Variants in CTNND2 observed in about 807,000 individuals in gnomAD.
CTNND2 encodes the protein catenin delta 2, also known as catenin delta-2.
In CTNND2, 22 loss-of-function variants were observed where a neutral mutation model predicts 144.4. The ratio of observed to expected loss-of-function variants is 0.15; its 90% CI spans 0.11 to 0.22. The LOEUF (loss-of-function observed/expected upper bound fraction) is 0.22, where lower values mean the gene tolerates loss of function less well. CTNND2 is among the 10% of genes least tolerant of loss of function. The pLI is 1.00. For synonymous variants in CTNND2, 751 were observed against 695.6 expected (o/e 1.08, Z -1.25); for missense variants, 1,353 against 1,618.8 (o/e 0.84, Z 2.82).
chr5:11,838,015 T>C (rs1242900602), intron 1 of CTNND2, among the ~76,000 whole-genome samples: 4 of 152,194 alleles, frequency 2.6e-5, no homozygotes, highest in East Asian at 1.9e-4. Flanking sequence ...ACCAGGCCCA[T>C]AGAATTGGAT....
At chr5:11,192,502 C>A (rs1736387695) in intron 11 of CTNND2, among the ~76,000 whole-genome samples, 1 of 152,108 alleles carries the variant, frequency 6.6e-6, no homozygotes, top group Non-Finnish European at 1.5e-5. Flanking sequence ...TGGAGAGAAT[C>A]CTGGATCAGC....
At chr5:11,199,321 C>T in intron 11 of CTNND2, 127 bp downstream of exon 11, 1 of 770,822 alleles carries the variant, frequency 1.3e-6, no homozygotes, top group Non-Finnish European at 2.1e-6. Flanking sequence ...CATTTGAAAA[C>T]ACATATTGAG....
At chr5:11,358,739 GT>G (rs560059277) in intron 8 of CTNND2, among the ~76,000 whole-genome samples, 96 of 151,570 alleles carry the variant, frequency 6.3e-4, no homozygotes, top group South Asian at 4.4e-3. Flanking sequence ...AGAGGATTAC[GT>G]TTTTTTTAGA....
intron 2 of CTNND2, among the ~76,000 whole-genome samples, chr5:11,698,963 T>C (rs1339172021): frequency 6.6e-6 from 1 of 150,524 alleles, no homozygotes; most frequent in Non-Finnish European, 1.5e-5. Flanking sequence ...TGCATATTAT[T>C]TTGTGCTATT....
intron 3 of CTNND2, among the ~76,000 whole-genome samples, chr5:11,517,449 C>T (rs1399805414): frequency 1.3e-5 from 2 of 152,082 alleles, no homozygotes; most frequent in Admixed American, 1.3e-4. Context: ...ATTTTTAACA[C>T]CTTTGTTAAA....
intron 10 of CTNND2, among the ~76,000 whole-genome samples, chr5:11,220,995 AAATT>A (rs1739735427): frequency 6.6e-6 from 1 of 152,214 alleles, no homozygotes; most frequent in Non-Finnish European, 1.5e-5. Flanking sequence ...TGCAAGAGGC[AAATT>A]AATTAAGAAG....
intron 3 of CTNND2, among the ~76,000 whole-genome samples, chr5:11,426,648 C>T (rs749819032): frequency 6.6e-6 from 1 of 152,136 alleles, no homozygotes; most frequent in Non-Finnish European, 1.5e-5. Context: ...AAATGTGTTA[C>T]GTTTATGACT....
chr5:11,613,664 C>T (rs1007567555), intron 2 of CTNND2, among the ~76,000 whole-genome samples: 1 of 152,188 alleles, frequency 6.6e-6, no homozygotes, highest in Non-Finnish European at 1.5e-5. Flanking sequence ...ACCAATGTAA[C>T]TAGCCCATGG....
chr5:11,388,280 A>G (rs756245246), intron 6 of CTNND2, among the ~76,000 whole-genome samples: 2 of 152,252 alleles, frequency 1.3e-5, no homozygotes, highest in Non-Finnish European at 2.9e-5. Context: ...TCTCAGGAGC[A>G]CCAGCTACAC....
chr5:11,647,654 A>C (rs746801356), intron 2 of CTNND2, among the ~76,000 whole-genome samples: 9 of 152,036 alleles, frequency 5.9e-5, no homozygotes, highest in Non-Finnish European at 1.2e-4. Context: ...CCTGCACCCC[A>C]CACAATTCTT....
chr5:11,607,687 T>C (rs1226522969), intron 2 of CTNND2, among the ~76,000 whole-genome samples: 1 of 152,242 alleles, frequency 6.6e-6, no homozygotes, highest in Admixed American at 6.5e-5. Flanking sequence ...AAGATATTCC[T>C]TGCATTTATT....
At chr5:11,688,695 A>G (rs931042766) in intron 2 of CTNND2, among the ~76,000 whole-genome samples, 1 of 152,206 alleles carries the variant, frequency 6.6e-6, no homozygotes, top group Non-Finnish European at 1.5e-5. Flanking sequence ...CAGTCCTATA[A>G]TTCAGAAACC....
chr5:11,330,920 T>C (rs1377319207), intron 9 of CTNND2, among the ~76,000 whole-genome samples: 1 of 152,152 alleles, frequency 6.6e-6, no homozygotes, highest in African/African-American at 2.4e-5. Context: ...TAGAGGCCCA[T>C]TTTACAATAT....
At chr5:11,652,889 A>T (rs554926018) in intron 2 of CTNND2, among the ~76,000 whole-genome samples, 2 of 152,252 alleles carry the variant, frequency 1.3e-5, no homozygotes, top group East Asian at 3.9e-4. Flanking sequence ...CCACACTCAA[A>T]CCCATAGCAA....
chr5:11,225,441 G>A (rs1334466259), intron 10 of CTNND2, among the ~76,000 whole-genome samples: 2 of 152,036 alleles, frequency 1.3e-5, no homozygotes, highest in African/African-American at 2.4e-5. Flanking sequence ...CCTGTTCTTG[G>A]TTGACACTAC....
At chr5:10,981,047 A>AAAAT (rs1737179668) in intron 21 of CTNND2, among the ~76,000 whole-genome samples, 1 of 152,068 alleles carries the variant, frequency 6.6e-6, no homozygotes, top group South Asian at 2.1e-4. Flanking sequence ...TATAATAATA[A>AAAAT]AAATAAAATA....
Position 11,636,887 on chromosome 5 carries a change from C to T in CTNND2, c.175-71831G>A, listed in dbSNP as rs775478702. On this transcript the variant is annotated intron_variant, in intron 2 of 21. Transcript: ENST00000304623. ...TTCTATTTGGAAGTTGGAGGCAATC[C>T]CACACATGGGCTTTTATGCATTTAG... Among the ~76,000 whole-genome samples, 14 of 152,176 alleles carry T rather than the reference C, an allele frequency of 9.2e-5. 1 individual carries two copies. In the Middle Eastern group the frequency reaches 0.01, roughly 111 times the overall value.
chr5:11,096,322 C>A (rs945169287), intron 15 of CTNND2, among the ~76,000 whole-genome samples: 1 of 152,126 alleles, frequency 6.6e-6, no homozygotes, highest in Non-Finnish European at 1.5e-5. Context: ...CCTAGCCCCC[C>A]ACCCCTGCCA....
At chr5:11,129,177 T>A (rs370819915) in intron 12 of CTNND2, among the ~76,000 whole-genome samples, 14 of 9,906 alleles carry the variant, frequency 1.4e-3, no homozygotes, top group Admixed American at 5.4e-3. Context: ...TATTATATAT[T>A]TTATATATAA....
Sources: gnomAD v4.1 joint callset for allele counts (sites outside exome capture counted in the v4.1 genomes callset) on GRCh38, gnomAD v4.1.1 for gene constraint, MANE v1.5 for transcripts, NCBI Gene and HGNC (gene_info 2026-07-23, HGNC 2026-07-21) for gene names.